NRAP: variants seen among roughly 807,000 people sequenced by gnomAD.
NRAP encodes the protein nebulin related anchoring protein, also known as nebulin-related-anchoring protein.
NRAP carries 189 observed loss-of-function variants against 225.9 expected under a neutral mutation model. The ratio of observed to expected loss-of-function variants is 0.84; its 90% CI spans 0.74 to 0.94. The LOEUF (loss-of-function observed/expected upper bound fraction) is 0.94, where lower values mean the gene tolerates loss of function less well. Ranked by LOEUF, NRAP falls within the 40% of genes least tolerant of loss-of-function variation. The probability of loss-of-function intolerance (pLI) is 0.00; values close to 1 mark genes in which losing one functional copy is unlikely to be tolerated. For missense variants in NRAP, 2,176 were observed against 2,168.7 expected (o/e 1.00, Z -0.07); for synonymous variants, 769 against 790.7 (o/e 0.97, Z 0.46).
At chr10:113,607,156 G>A (rs1043322002) in intron 32 of NRAP, among the ~76,000 whole-genome samples, 9 of 151,812 alleles carry the variant, frequency 5.9e-5, no homozygotes, top group South Asian at 2.1e-4. Context: ...AGCAAAGATC[G>A]CGCCACTGCA....
Position 113,645,889 on chromosome 10 carries a change from G to A in NRAP, c.1046C>T (p.Ser349Leu), listed in dbSNP as rs116789023. Residue 349 changes from serine (S) to leucine (L), a missense_variant, in exon 11 of 42, where the codon TCG becomes TTG. Around this residue, in one of 3 missense-constraint regions of NRAP, gnomAD observed 1,708 missense variants for 1,695.5 expected, o/e 1.01. Coordinates refer to ENST00000359988, the MANE Select transcript of NRAP (RefSeq NM_198060.4). ...AACCAAGTTGTCTTGAGCTGGAAGC[G>A]AGTGATAATGTGCAGCGCCTTTCAT... The part of the protein sequence containing the change: ...NKMKGAAHYH[S>L]LPAQDNLVLK... 3.8e-5 allele frequency: 61 copies of A among 1,610,802 alleles called. No homozygotes were observed. Among genetic ancestry groups the A allele is most frequent in the Admixed American group, 3.7e-4 (22 of 59,512 alleles).
chr10:113,600,106 C>T (rs77104366), intron 35 of NRAP, among the ~76,000 whole-genome samples: 1 of 151,696 alleles, frequency 6.6e-6, no homozygotes, highest in Non-Finnish European at 1.5e-5. Flanking sequence ...TTGTTTTAGA[C>T]CCATTATTTC....
At chr10:113,636,039 T>A (rs1032175616) in intron 14 of NRAP, among the ~76,000 whole-genome samples, 5 of 152,066 alleles carry the variant, frequency 3.3e-5, no homozygotes, top group African/African-American at 1.2e-4. Context: ...CCAGCTGAGC[T>A]CCCCCGGCTT....
At chr10:113,634,781 T>C (rs1022967649) in intron 14 of NRAP, among the ~76,000 whole-genome samples, 3 of 152,154 alleles carry the variant, frequency 2.0e-5, no homozygotes, top group Admixed American at 6.5e-5. Context: ...CTTTCCTATA[T>C]ACGTCTTATA....
At position 113,610,356 on chromosome 10, in the gene NRAP, A is replaced by T; in HGVS notation, c.3603+103T>A. The T allele has an allele frequency of 3.9e-5, 9 of 230,332 alleles. No individual in the cohort carries two copies. The East Asian group carries it at 5.1e-4, about 13-fold the overall frequency. The allele number at this position is 230,332 out of a possible 1,614,324, so 14.3% of individuals were successfully genotyped here. On this transcript the variant is annotated intron_variant, in intron 31 of 41. Transcript: ENST00000359988. ...CAGAGCGAGACTCCATCTCAAATTAAAAAAAAAAAAAAAAAAAGGAAGAAA... is the reference window on the plus strand; with the variant it reads ...CAGAGCGAGACTCCATCTCAAATTATAAAAAAAAAAAAAAAAAGGAAGAAA...
Position 113,637,662 on chromosome 10 carries a change from G to T in NRAP, c.1428+2565C>A, listed in dbSNP as rs967312753. On this transcript the variant is annotated intron_variant, in intron 14 of 41. Coordinates refer to ENST00000359988, the MANE Select transcript of NRAP (RefSeq NM_198060.4). ...CATTAGGCTGGGTGTGGTGGCTCAC[G>T]CCTGTAATCCCAGCACTTTGGGAGG... Among the ~76,000 whole-genome samples the T allele has an allele frequency of 2.0e-5, 3 of 152,190 alleles. 1 individual carries two copies. Among genetic ancestry groups the T allele is most frequent in the African/African-American group, 7.2e-5 (3 of 41,426 alleles).
In NRAP at chr10:113,654,039, A is replaced by C. The variant is rs1408981484; in HGVS notation, c.447T>G (p.Ala149=). The stretch of plus-strand genomic sequence containing the variant: ...TGCTTACCTCACCAAGAGACTTTCG[A>C]GCCTCAACCATCCTTACAATTTCGG... The part of the protein sequence containing the change: ...PDPEIVRMVE[A]RKSLGEEYTE... The change falls in exon 5 of 42, where the codon GCT becomes GCG. Residue 149 remains alanine (A), a synonymous_variant. Transcript: ENST00000359988. The C allele has an allele frequency of 1.2e-6, 2 of 1,612,430 alleles. No individual in the cohort carries two copies. The highest frequency in any genetic ancestry group is 2.2e-5 in the South Asian group (2 of 91,058).
At position 113,660,209 on chromosome 10, in the gene NRAP, A is replaced by T. The variant is rs150799213; in HGVS notation, c.255+2470T>A. On this transcript the variant is annotated intron_variant, in intron 3 of 41. Transcript: ENST00000359988. ...ATATCCCACATGCATGTACATATAC[A>T]TACATATGCATAAACACATACACAC... 2.0e-4 allele frequency among the ~76,000 whole-genome samples: 30 copies of T among 152,276 alleles called. No homozygotes were observed. The East Asian group carries it at 5.8e-3, about 29-fold the overall frequency.
intron 16 of NRAP, among the ~76,000 whole-genome samples, 188 bp from the exon 17 acceptor site, chr10:113,632,152 C>T (rs1295106605): frequency 6.6e-6 from 1 of 152,164 alleles, no homozygotes; most frequent in Non-Finnish European, 1.5e-5. Context: ...CTGTGCAGGC[C>T]AGTGGTAATG....
chr10:113,608,451 AGG>A lies in NRAP; in HGVS notation c.3663_3664del (p.Leu1222ProfsTer12). 6.2e-7 allele frequency: 1 copy of A among 1,613,002 alleles called. No homozygotes were observed. Among genetic ancestry groups the A allele is most frequent in the Non-Finnish European group, 8.5e-7 (1 of 1,179,380 alleles). ...CTGGTTGCTGAATTTCGCATGAAGGAGGTTGGGAGTGTCTGTCACAGCTGTGT... is the reference window on the plus strand; with the variant it reads ...CTGGTTGCTGAATTTCGCATGAAGGATTGGGAGTGTCTGTCACAGCTGTGT... On this transcript the variant is annotated frameshift_variant, in exon 32 of 42. Transcript: ENST00000359988. LOFTEE classifies it high-confidence loss of function.
At chr10:113,620,170 A>G (rs76052274) in intron 25 of NRAP, among the ~76,000 whole-genome samples, 1,570 of 152,296 alleles carry the variant, frequency 0.01, 31 homozygotes, top group African/African-American at 0.036. Flanking sequence ...CTCTCCCTCA[A>G]AAAAGAACCA....
In NRAP at chr10:113,663,616, CT is replaced by C. The variant is rs11349376; in HGVS notation, c.73-171del. 0.42 allele frequency among the ~76,000 whole-genome samples: 63,059 copies of C among 149,926 alleles called. 13,669 individuals carry two copies. Among genetic ancestry groups the C allele is most frequent in the African/African-American group, 0.54 (22,248 of 41,012 alleles). ...CACTCACGGTTAAATAAATGGATAA[CT>C]TTTTTTTTTTGAGACAACACAGAAG... On this transcript the variant is annotated intron_variant, in intron 1 of 41. Transcript: ENST00000359988.
At position 113,650,480 on chromosome 10, in the gene NRAP, G is replaced by A. The variant is rs148959583; in HGVS notation, c.741C>T (p.Pro247=). Residue 247 remains proline (P), a synonymous_variant, in exon 8 of 42, where the codon CCC becomes CCT. Coordinates refer to ENST00000359988, the MANE Select transcript of NRAP (RefSeq NM_198060.4). ...TGGCTCTTTTGGCTATCTGATAGGC[G>A]GGTGTGATCATCGCAGGGAAACTGC... The part of the protein sequence containing the change: ...GKGSFPAMIT[P]AYQIAKRANE... 50 of 1,613,698 alleles carry A rather than the reference G, an allele frequency of 3.1e-5. No individual in the cohort carries two copies. Among genetic ancestry groups the A allele is most frequent in the East Asian group, 1.3e-4 (6 of 44,878 alleles).
chr10:113,630,629 C>A (rs1298071502), intron 18 of NRAP, among the ~76,000 whole-genome samples: 1 of 152,162 alleles, frequency 6.6e-6, no homozygotes, highest in Non-Finnish European at 1.5e-5. Context: ...TTTTGACCCC[C>A]AGCTGCTCCA....
intron 13 of NRAP, 80 bp from the exon 14 acceptor site, chr10:113,640,411 AT>A: frequency 1.3e-6 from 1 of 741,530 alleles, no homozygotes. Context: ...CATAAGAAAT[AT>A]TTTTTAAATA....
At chr10:113,627,253 C>T (rs3127091) in intron 20 of NRAP, among the ~76,000 whole-genome samples, 44,009 of 152,090 alleles carry the variant, frequency 0.29, 6,587 homozygotes, top group Admixed American at 0.36. Flanking sequence ...CACATTACCC[C>T]GCCATTGTTG....
intron 40 of NRAP, 140 bp downstream of exon 40, chr10:113,590,438 G>A: frequency 1.4e-6 from 1 of 730,154 alleles, no homozygotes; most frequent in African/African-American, 1.8e-5. Flanking sequence ...TATTCTTTCT[G>A]GCACTAAAGT....
Position 113,651,896 on chromosome 10 carries a change from CTT to C in NRAP, c.580_581del (p.Lys194GlufsTer4). The C allele has an allele frequency of 6.2e-7, 1 of 1,609,938 alleles. No homozygotes were observed. Among genetic ancestry groups the C allele is most frequent in the Non-Finnish European group, 8.5e-7 (1 of 1,176,286 alleles). ...TGGAGATGCGTTCATCATGCCCTCT[CTT>C]ATACTCCACCTGATGAGAAGACAGT... ...ANQLASQVEY[K>X]RGHDERISRF... is the part of the protein sequence containing the mutation. On this transcript the variant is annotated frameshift_variant, in exon 7 of 42. Coordinates refer to ENST00000359988, the MANE Select transcript of NRAP (RefSeq NM_198060.4). LOFTEE classifies it high-confidence loss of function.
intron 14 of NRAP, among the ~76,000 whole-genome samples, chr10:113,636,967 A>C (rs1432795585): frequency 7.1e-6 from 1 of 139,920 alleles, no homozygotes; most frequent in Non-Finnish European, 1.5e-5. Flanking sequence ...CGATCATGCC[A>C]CTGCTCTCCA....
Sources: allele counts gnomAD v4.1 joint callset (sites outside exome capture counted in the v4.1 genomes callset), GRCh38; gene constraint gnomAD v4.1.1; regional missense constraint gnomAD v4.1.1; transcripts MANE v1.5; gene names NCBI Gene and HGNC (gene_info 2026-07-23, HGNC 2026-07-21).